CSMD1: variants seen among roughly 807,000 people sequenced by gnomAD.
The protein encoded by CSMD1 is CUB and sushi domain-containing protein 1.
In CSMD1, 213 loss-of-function variants were observed where a neutral mutation model predicts 417.5. The ratio of observed to expected loss-of-function variants is 0.51; its 90% CI spans 0.46 to 0.57. CSMD1 has a LOEUF of 0.57. Among genes scored for constraint, CSMD1 ranks in the 20% least tolerant of loss-of-function variants. The probability of loss-of-function intolerance (pLI) is 0.00; values close to 1 mark genes in which losing one functional copy is unlikely to be tolerated. For missense variants in CSMD1, 6,923 were observed against 4,529.7 expected, an observed-to-expected ratio of 1.53 and a Z score of -15.17; for synonymous variants, 2,862 against 1,736.8, an observed-to-expected ratio of 1.65 and a Z score of -16.11.
rs984413942 is a variant in CSMD1, at chr8:3,928,640, C to T, written c.818+69263G>A. ...AGGAGAAGGAAGTAATAAGAGTATA[C>T]ATGACAATAAAAATGGTTTAAAGAA... On this transcript the variant is annotated intron_variant, in intron 5 of 69. Transcript: ENST00000635120. Among the ~76,000 whole-genome samples, 8 of 149,252 alleles carry T rather than the reference C, an allele frequency of 5.4e-5. 1 individual carries two copies. Among genetic ancestry groups the T allele is most frequent in the African/African-American group, 2.0e-4 (8 of 39,704 alleles).
chr8:3,719,523 A>C (rs540232034), intron 6 of CSMD1, among the ~76,000 whole-genome samples: 1 of 152,354 alleles, frequency 6.6e-6, no homozygotes, highest in South Asian at 2.1e-4. Context: ...TACAATGAAG[A>C]CTTTGGGAAA....
chr8:4,629,746 A>T (rs1269716568), intron 2 of CSMD1, among the ~76,000 whole-genome samples: 1 of 152,134 alleles, frequency 6.6e-6, no homozygotes, highest in African/African-American at 2.4e-5. Context: ...CAAAGACTAG[A>T]TTTACTATTG....
At chr8:4,473,850 T>C (rs903267307) in intron 2 of CSMD1, among the ~76,000 whole-genome samples, 1 of 152,262 alleles carries the variant, frequency 6.6e-6, no homozygotes, top group African/African-American at 2.4e-5. Context: ...CAAATGATCG[T>C]AGCATATATA....
At chr8:4,744,031 G>A (rs529031560) in intron 1 of CSMD1, among the ~76,000 whole-genome samples, 61 of 152,340 alleles carry the variant, frequency 4.0e-4, no homozygotes, top group Middle Eastern at 3.4e-3. Context: ...CGCCAGGCTG[G>A]CACACGCAGC....
intron 1 of CSMD1, among the ~76,000 whole-genome samples, chr8:4,724,302 T>C (rs1040690921): frequency 2.6e-5 from 4 of 152,094 alleles, no homozygotes; most frequent in African/African-American, 7.2e-5. Context: ...TGTGTAAACA[T>C]AGGGTTATCT....
intron 3 of CSMD1, among the ~76,000 whole-genome samples, chr8:4,318,713 CAA>C (rs33979970): frequency 0.39 from 55,932 of 143,444 alleles, 11,845 homozygotes; most frequent in East Asian, 0.64. Flanking sequence ...TTTAAAATCT[CAA>C]AAAAAAAAAA....
intron 10 of CSMD1, among the ~76,000 whole-genome samples, chr8:3,556,394 T>TATA (rs1554468288): frequency 7.4e-6 from 1 of 135,044 alleles, no homozygotes; most frequent in Non-Finnish European, 1.6e-5. Context: ...TAATAATTAA[T>TATA]ATATATATAT....
intron 1 of CSMD1, among the ~76,000 whole-genome samples, chr8:4,903,550 C>T (rs1805039593): frequency 6.6e-6 from 1 of 152,224 alleles, no homozygotes; most frequent in Non-Finnish European, 1.5e-5. Context: ...TATTTAGCAG[C>T]ATGTGGTCTC....
intron 4 of CSMD1, among the ~76,000 whole-genome samples, chr8:4,031,467 C>T (rs527434361): frequency 1.3e-5 from 2 of 152,224 alleles, no homozygotes; most frequent in South Asian, 2.1e-4. Flanking sequence ...GAGAACGGCA[C>T]AGGAAACACT....
At chr8:4,062,612 C>G (rs1309311363) in intron 3 of CSMD1, among the ~76,000 whole-genome samples, 1 of 151,964 alleles carries the variant, frequency 6.6e-6, no homozygotes, top group African/African-American at 2.4e-5. Context: ...GATCTTAAAG[C>G]TGGAAAAACA....
intron 23 of CSMD1, among the ~76,000 whole-genome samples, chr8:3,312,966 T>TAATC (rs1330073815): frequency 2.0e-5 from 3 of 152,228 alleles, no homozygotes; most frequent in Admixed American, 6.5e-5. Context: ...GACTAGAATA[T>TAATC]AATCATTGTT....
At chr8:3,926,036 CACACACAA>C (rs1269789525) in intron 5 of CSMD1, among the ~76,000 whole-genome samples, 14,795 of 138,148 alleles carry the variant, frequency 0.11, 1,058 homozygotes, top group Middle Eastern at 0.17. Flanking sequence ...CACACACACA[CACACACAA>C]ACACCATATA....
At chr8:3,762,113 C>A (rs377409180) in intron 5 of CSMD1, among the ~76,000 whole-genome samples, 2 of 152,148 alleles carry the variant, frequency 1.3e-5, no homozygotes, top group Admixed American at 6.5e-5. Context: ...CAGCTTGGCT[C>A]ATTCTGCTTT....
chr8:3,140,283 G>A (rs1236291097), intron 41 of CSMD1, among the ~76,000 whole-genome samples: 1 of 152,008 alleles, frequency 6.6e-6, no homozygotes, highest in Non-Finnish European at 1.5e-5. Context: ...CAGGCAAGCA[G>A]ATCTGTATCC....
At chr8:3,687,466 G>C (rs1453408714) in intron 7 of CSMD1, among the ~76,000 whole-genome samples, 1 of 152,206 alleles carries the variant, frequency 6.6e-6, no homozygotes, top group Non-Finnish European at 1.5e-5. Flanking sequence ...TATTGAGAAA[G>C]CAATAAAACA....
At chr8:4,434,652 T>C (rs990745194) in intron 2 of CSMD1, among the ~76,000 whole-genome samples, 2 of 152,142 alleles carry the variant, frequency 1.3e-5, no homozygotes, top group East Asian at 1.9e-4. Context: ...GGAAGACATA[T>C]CACAAACCCG....
chr8:4,198,119 G>A (rs903626948), intron 3 of CSMD1, among the ~76,000 whole-genome samples: 5 of 152,226 alleles, frequency 3.3e-5, no homozygotes, highest in Admixed American at 6.5e-5. Context: ...TTTTACGGGA[G>A]AAGGTTCTTT....
Position 3,932,366 on chromosome 8 carries a change from G to C in CSMD1, c.818+65537C>G, listed in dbSNP as rs1810209920. ...TTCTGCGACTAGAGGAATGAATATAGGCACTTGGGTGTTTTGCTATGCCTG... is the reference window on the plus strand; with the variant it reads ...TTCTGCGACTAGAGGAATGAATATACGCACTTGGGTGTTTTGCTATGCCTG... On this transcript the variant is annotated intron_variant, in intron 5 of 69. Transcript: ENST00000635120. Among the ~76,000 whole-genome samples the C allele has an allele frequency of 1.3e-5, 2 of 150,532 alleles. 1 individual carries two copies.
chr8:4,979,144 T>A (rs1810731686), intron 1 of CSMD1, among the ~76,000 whole-genome samples: 1 of 152,180 alleles, frequency 6.6e-6, no homozygotes, highest in Non-Finnish European at 1.5e-5. Context: ...CTAATTGTAT[T>A]CAAGCTAAAT....
Sources: allele counts gnomAD v4.1 joint callset (sites outside exome capture counted in the v4.1 genomes callset), GRCh38; gene constraint gnomAD v4.1.1; transcripts MANE v1.5; gene names NCBI Gene and HGNC (gene_info 2026-07-23, HGNC 2026-07-21).